NRG3: variants seen among roughly 807,000 people sequenced by gnomAD.
NRG3 encodes neuregulin 3.
In NRG3, 31 loss-of-function variants were observed where a neutral mutation model predicts 66.9. The ratio of observed to expected loss-of-function variants is 0.46; its 90% CI spans 0.35 to 0.63. The LOEUF (loss-of-function observed/expected upper bound fraction) is 0.63, where lower values mean the gene tolerates loss of function less well. NRG3 is among the 20% of genes least tolerant of loss of function. NRG3 has a pLI of 0.00. For synonymous variants in NRG3, 393 were observed against 359.4 expected (o/e 1.09, Z -1.06); for missense variants, 910 against 878.9 (o/e 1.04, Z -0.45).
At chr10:82,786,325 G>A (rs568157606) in intron 3 of NRG3, among the ~76,000 whole-genome samples, 1 of 152,210 alleles carries the variant, frequency 6.6e-6, no homozygotes, top group East Asian at 1.9e-4. Context: ...TTCCCATTGT[G>A]CCCAGATGTG....
At chr10:82,226,976 T>C (rs1033900632) in intron 1 of NRG3, among the ~76,000 whole-genome samples, 2 of 152,268 alleles carry the variant, frequency 1.3e-5, no homozygotes. Flanking sequence ...GATAGGAAAT[T>C]TGTCTTGTCT....
intron 3 of NRG3, among the ~76,000 whole-genome samples, chr10:82,828,440 C>G (rs181699905): frequency 6.6e-6 from 1 of 152,092 alleles, no homozygotes; most frequent in Admixed American, 6.6e-5. Context: ...GGAGGTTAAA[C>G]GACTTGTCCC....
chr10:82,337,855 A>G (rs1264040440), intron 1 of NRG3, among the ~76,000 whole-genome samples: 1 of 152,232 alleles, frequency 6.6e-6, no homozygotes, highest in Middle Eastern at 3.2e-3. Context: ...TCTATAATGC[A>G]TTGGGGTCTT....
intron 2 of NRG3, among the ~76,000 whole-genome samples, chr10:82,453,059 C>T (rs1000193596): frequency 9.9e-5 from 15 of 152,056 alleles, no homozygotes; most frequent in African/African-American, 3.6e-4. Context: ...CCAACTGTAC[C>T]ACTCTGTGTG....
intron 1 of NRG3, among the ~76,000 whole-genome samples, chr10:82,003,144 A>G (rs1335583651): frequency 1.3e-5 from 2 of 152,114 alleles, no homozygotes; most frequent in Non-Finnish European, 2.9e-5. Context: ...AGGGGAGGGG[A>G]AAAGAGAGGG....
intron 1 of NRG3, among the ~76,000 whole-genome samples, chr10:82,204,536 A>G (rs993434803): frequency 6.6e-6 from 1 of 152,180 alleles, no homozygotes; most frequent in Admixed American, 6.6e-5. Flanking sequence ...TGTTCCTATT[A>G]AAAGGAAATT....
chr10:82,009,114 T>C (rs1357524196), intron 1 of NRG3, among the ~76,000 whole-genome samples: 6 of 152,236 alleles, frequency 3.9e-5, no homozygotes, highest in Admixed American at 2.6e-4. Context: ...TTAAAAGCCG[T>C]ATTACTATTT....
chr10:82,638,892 G>A (rs947259076), intron 2 of NRG3, among the ~76,000 whole-genome samples: 31 of 152,056 alleles, frequency 2.0e-4, no homozygotes, highest in African/African-American at 5.1e-4. Context: ...GGATCCTCCC[G>A]CCTCAGCCTC....
chr10:82,919,414 T>A (rs1235012932), intron 4 of NRG3, among the ~76,000 whole-genome samples: 1 of 152,042 alleles, frequency 6.6e-6, no homozygotes, highest in African/African-American at 2.4e-5. Context: ...TAGAGTGAAA[T>A]AAGCAACCAG....
At chr10:81,896,323 A>G (rs1828909454) in intron 1 of NRG3, among the ~76,000 whole-genome samples, 1 of 152,058 alleles carries the variant, frequency 6.6e-6, no homozygotes, top group African/African-American at 2.4e-5. Flanking sequence ...GAAGAGATGT[A>G]CCTCTAAAGA....
At chr10:81,897,991 C>T (rs957488333) in intron 1 of NRG3, among the ~76,000 whole-genome samples, 4 of 152,150 alleles carry the variant, frequency 2.6e-5, no homozygotes, top group African/African-American at 9.7e-5. Context: ...GTAGACCAAT[C>T]AGTCTCTTTT....
intron 4 of NRG3, among the ~76,000 whole-genome samples, chr10:82,869,663 A>C (rs1370228474): frequency 2.0e-5 from 3 of 149,984 alleles, no homozygotes; most frequent in African/African-American, 7.4e-5. Flanking sequence ...GCTGGAGTGC[A>C]GTGGTGCCAT....
intron 1 of NRG3, among the ~76,000 whole-genome samples, chr10:82,283,097 C>A (rs1174027033): frequency 6.6e-6 from 1 of 152,024 alleles, no homozygotes; most frequent in African/African-American, 2.4e-5. Flanking sequence ...TCTTCTCGGT[C>A]TTAATCTAGT....
Position 82,985,286 on chromosome 10 carries a change from G to C in NRG3, c.1772G>C (p.Gly591Ala). The change falls in exon 9 of 9, where the codon GGG becomes GCG. Residue 591 changes from glycine to alanine, a missense_variant. By Grantham distance (60) the Gly-to-Ala change is moderately conservative (BLOSUM62 0). Coordinates refer to ENST00000372141, the MANE Select transcript of NRG3 (RefSeq NM_001010848.4). ...GLEETCLQMP[G>A]ISEVKSIKWC... Reference sequence around the variant, plus strand: ...GAGGAAACCTGCCTGCAAATGCCAGGGATTTCTGAAGTCAAAAGCATCAAA... The same window carrying C: ...GAGGAAACCTGCCTGCAAATGCCAGCGATTTCTGAAGTCAAAAGCATCAAA... 3 of 1,614,074 alleles carry C rather than the reference G, an allele frequency of 1.9e-6. No individual in the cohort carries two copies. Among genetic ancestry groups the C allele is most frequent in the Non-Finnish European group, 2.5e-6 (3 of 1,179,990 alleles).
At chr10:82,233,274 A>T (rs2076581227) in intron 1 of NRG3, among the ~76,000 whole-genome samples, 2 of 152,172 alleles carry the variant, frequency 1.3e-5, no homozygotes, top group Non-Finnish European at 2.9e-5. Context: ...CTGAAGCAGG[A>T]GAATGGTGTG....
intron 3 of NRG3, among the ~76,000 whole-genome samples, chr10:82,749,159 C>T (rs933147621): frequency 2.0e-5 from 3 of 152,028 alleles, no homozygotes; most frequent in South Asian, 2.1e-4. Context: ...CAGTTGCAGT[C>T]GGAGTAGGGA....
In NRG3 at chr10:82,501,443, T is replaced by C. The variant is rs1844180377; in HGVS notation, c.953+142575T>C. Among the ~76,000 whole-genome samples, 4 of 152,266 alleles carry C rather than the reference T, an allele frequency of 2.6e-5. No homozygotes were observed. In the South Asian group the frequency reaches 8.3e-4, roughly 32 times the overall value. ...ACACTCAGGTCAAAAGTCAACATACTTTCAAGGTTCCGCAGGCCCTCCATG... is the reference window on the plus strand; with the variant it reads ...ACACTCAGGTCAAAAGTCAACATACCTTCAAGGTTCCGCAGGCCCTCCATG... On this transcript the variant is annotated intron_variant, in intron 2 of 8. Transcript: ENST00000372141.
intron 1 of NRG3, among the ~76,000 whole-genome samples, chr10:82,167,255 T>G (rs2133045988): frequency 6.6e-6 from 1 of 152,154 alleles, no homozygotes; most frequent in Admixed American, 6.5e-5. Context: ...TTCATAAAAT[T>G]TTTAGTTTTA....
rs60251056 is a variant in NRG3 at position 82,063,512 on chromosome 10, C to CTTTTTT, written c.823+187355_823+187360dup. On this transcript the variant is annotated intron_variant, in intron 1 of 8. Coordinates refer to ENST00000372141, the MANE Select transcript of NRG3 (RefSeq NM_001010848.4). ...ATATTTTTTAGAGGCAGGAAAAGAT[C>CTTTTTT]TTTTTTTTTTTGTCAGATGAAATGT... is the stretch of plus-strand genomic sequence containing the variant. Among the ~76,000 whole-genome samples the CTTTTTT allele has an allele frequency of 1.5e-3, 222 of 147,530 alleles. 3 individuals carry two copies. Among genetic ancestry groups the CTTTTTT allele is most frequent in the African/African-American group, 4.5e-3 (179 of 40,150 alleles).
Sources: gnomAD v4.1 joint callset for allele counts (sites outside exome capture counted in the v4.1 genomes callset) on GRCh38, gnomAD v4.1.1 for gene constraint, MANE v1.5 for transcripts, NCBI Gene and HGNC (gene_info 2026-07-23, HGNC 2026-07-21) for gene names.